The following PCDH11X variants were observed in gnomAD, a reference collection of about 807,000 sequenced individuals.
The protein encoded by PCDH11X is protocadherin 11 X-linked, also known as protocadherin-11 X-linked.
In PCDH11X, 18 loss-of-function variants were observed where a neutral mutation model predicts 53.3. The observed-to-expected ratio is 0.34, with a 90% CI of 0.23 to 0.50. PCDH11X has a LOEUF of 0.50. PCDH11X is among the 20% of genes least tolerant of loss of function. PCDH11X has a pLI of 0.98. For synonymous variants in PCDH11X, 279 were observed against 393.3 expected (o/e 0.71, Z 3.44); for missense variants, 570 against 1,032.4 (o/e 0.55, Z 6.14).
chrX:92,199,841 G>A (rs776533500), intron 6 of PCDH11X, among the ~76,000 whole-genome samples: 123 of 111,472 alleles, frequency 1.1e-3, no homozygotes, highest in Non-Finnish European at 2.0e-3. Flanking sequence ...CATCCACATA[G>A]ACTTATACTT....
intron 8 of PCDH11X, among the ~76,000 whole-genome samples, chrX:92,301,385 G>A (rs1385022174): frequency 9.4e-6 from 1 of 106,791 alleles, no homozygotes; most frequent in Admixed American, 1.0e-4. Flanking sequence ...GTGTCCTGAG[G>A]AGCATGGCGA....
At position 91,877,447 on chromosome X, in the gene PCDH11X, G is replaced by T. The variant is rs1569422776; in HGVS notation, c.1207G>T (p.Glu403Ter). Reference sequence around the variant, plus strand: ...CAGGGTGACATGCTTCACAGATCATGAAATCCCTTTCAGATTAAGGCCAGT... The same window carrying T: ...CAGGGTGACATGCTTCACAGATCATTAAATCCCTTTCAGATTAAGGCCAGT... ...NGRVTCFTDHEIPFRLRPVFS... is the reference protein window; with the variant it reads ...NGRVTCFTDH The change falls in exon 6 of 11, where the codon GAA (glutamate) becomes TAA (stop). Residue 403 changes from glutamate (E) to a stop codon, truncating the protein, a stop_gained. Transcript: ENST00000682573. LOFTEE classifies it high-confidence loss of function. The T allele has an allele frequency of 8.3e-7, 1 of 1,208,679 alleles. No individual in the cohort carries two copies. The highest frequency in any genetic ancestry group is 1.1e-6 in the Non-Finnish European group (1 of 894,974).
chrX:92,568,776 A>T lies in PCDH11X; in HGVS notation c.3368-49488A>T, dbSNP rs183946697. ...AAAAATTATAATAAAACTGAGAAGG[A>T]GTCAATAACGAAACATTCAAAGAAA... On this transcript the variant is annotated intron_variant, in intron 10 of 10. Transcript: ENST00000682573. Among the ~76,000 whole-genome samples, 16 of 111,219 alleles carry T rather than the reference A, an allele frequency of 1.4e-4. No individual in the cohort carries two copies. The East Asian group carries it at 4.2e-3, about 29-fold the overall frequency.
chrX:92,306,274 A>G (rs918607799), intron 8 of PCDH11X, among the ~76,000 whole-genome samples: 1 of 105,139 alleles, frequency 9.5e-6, no homozygotes, highest in Admixed American at 1.0e-4. Flanking sequence ...AAACAATTAC[A>G]TTAAAAAGAA....
intron 10 of PCDH11X, among the ~76,000 whole-genome samples, chrX:92,491,416 C>A (rs1311736123): frequency 1.8e-5 from 2 of 110,164 alleles, no homozygotes; most frequent in Admixed American, 1.9e-4. Context: ...ATCTTGTATT[C>A]AGTCTCTATT....
chrX:92,201,803 C>A (rs1190987076), intron 7 of PCDH11X, among the ~76,000 whole-genome samples: 1 of 111,575 alleles, frequency 9.0e-6, no homozygotes, highest in African/African-American at 3.3e-5. Flanking sequence ...TAAGTTTTAG[C>A]ATAATATAGC....
chrX:92,433,439 G>T (rs2072296430), intron 9 of PCDH11X, among the ~76,000 whole-genome samples: 1 of 110,098 alleles, frequency 9.1e-6, no homozygotes, highest in African/African-American at 3.3e-5. Flanking sequence ...CACCCTTTAG[G>T]ATTATTAACA....
At chrX:92,511,730 C>T (rs996873131) in intron 10 of PCDH11X, among the ~76,000 whole-genome samples, 5 of 111,205 alleles carry the variant, frequency 4.5e-5, no homozygotes, top group African/African-American at 1.6e-4. Flanking sequence ...TGTTTGTGAC[C>T]AGACTTTCTT....
chrX:92,294,472 G>T (rs770526945), intron 8 of PCDH11X, among the ~76,000 whole-genome samples: 1 of 112,264 alleles, frequency 8.9e-6, no homozygotes, highest in Admixed American at 9.5e-5. Flanking sequence ...AAACATTAGA[G>T]CATTTTATCC....
At chrX:92,167,693 C>G (rs777323887) in intron 6 of PCDH11X, among the ~76,000 whole-genome samples, 4 of 111,779 alleles carry the variant, frequency 3.6e-5, no homozygotes, top group Admixed American at 2.9e-4. Flanking sequence ...TATTTTGTAG[C>G]TTTTTACCAC....
chrX:91,785,363 A>T (rs1310859610), intron 1 of PCDH11X, among the ~76,000 whole-genome samples: 4 of 108,286 alleles, frequency 3.7e-5, no homozygotes, highest in Non-Finnish European at 5.7e-5. Flanking sequence ...GTCAACATAC[A>T]GTTACCAATC....
At chrX:91,988,445 T>C (rs1222063682) in intron 6 of PCDH11X, among the ~76,000 whole-genome samples, 2 of 112,395 alleles carry the variant, frequency 1.8e-5, no homozygotes, top group African/African-American at 3.2e-5. Context: ...AATCTTTTTT[T>C]CCCCCAAACA....
At chrX:92,563,056 T>G (rs1736389356) in intron 10 of PCDH11X, among the ~76,000 whole-genome samples, 3 of 12,304 alleles carry the variant, frequency 2.4e-4, no homozygotes, top group East Asian at 6.9e-3. Flanking sequence ...CGTTTTTTTT[T>G]TTTTTTTTTT....
intron 7 of PCDH11X, among the ~76,000 whole-genome samples, chrX:92,216,197 T>G (rs755937898): frequency 2.7e-5 from 3 of 110,846 alleles, no homozygotes; most frequent in Admixed American, 1.9e-4. Flanking sequence ...GGAACAAAGC[T>G]GGACAGAGAA....
intron 10 of PCDH11X, among the ~76,000 whole-genome samples, chrX:92,491,508 T>A (rs1248687740): frequency 9.0e-6 from 1 of 110,700 alleles, no homozygotes; most frequent in East Asian, 2.8e-4. Flanking sequence ...CTCTGCGTAG[T>A]AAAAAGATCA....
rs752732217 is a variant in PCDH11X at position 91,982,489 on chromosome X, C to A, written c.3033+103216C>A. On this transcript the variant is annotated intron_variant, in intron 6 of 10. Coordinates refer to ENST00000682573, the MANE Select transcript of PCDH11X (RefSeq NM_032968.5). The stretch of plus-strand genomic sequence containing the variant: ...TTTTGGAAATGAGTTTCTTCTGTAC[C>A]TCTGAAAGGGTAACATCTTAAAGCT... Among the ~76,000 whole-genome samples, 231 of 107,360 alleles carry A rather than the reference C, an allele frequency of 2.2e-3. 1 individual carries two copies. Among genetic ancestry groups the A allele is most frequent in the Middle Eastern group, 0.019 (4 of 209 alleles). 93.2% of individuals were successfully genotyped at this position (107,360 alleles called of 115,157 possible). A position where few individuals can be genotyped will look rare whatever the true frequency, so the allele number is the denominator to read the frequency against.
At chrX:92,331,083 TTAA>T (rs1372855361) in intron 8 of PCDH11X, among the ~76,000 whole-genome samples, 3 of 104,344 alleles carry the variant, frequency 2.9e-5, no homozygotes, top group Admixed American at 2.1e-4. Flanking sequence ...TAATTAAAAC[TTAA>T]TAAAGCTTTT....
intron 8 of PCDH11X, among the ~76,000 whole-genome samples, chrX:92,326,390 A>G (rs1453588741): frequency 9.7e-6 from 1 of 103,549 alleles, no homozygotes; most frequent in Non-Finnish European, 2.0e-5. Flanking sequence ...TCATTCTGCT[A>G]TACTCTGTTA....
In PCDH11X at chrX:92,416,274, T is replaced by A. The variant is rs1194379824; in HGVS notation, c.3343+28341T>A. Among the ~76,000 whole-genome samples, 5 of 110,405 alleles carry A rather than the reference T, an allele frequency of 4.5e-5. No individual in the cohort carries two copies. The East Asian group carries it at 1.4e-3, about 31-fold the overall frequency. ...CTAATTGATAGAACAATAGGGTGAC[T>A]ATAGTCAATAATAACTGTACATTTT... On this transcript the variant is annotated intron_variant, in intron 9 of 10. Coordinates refer to ENST00000682573, the MANE Select transcript of PCDH11X (RefSeq NM_032968.5).
Sources: allele counts gnomAD v4.1 joint callset (sites outside exome capture counted in the v4.1 genomes callset), GRCh38; gene constraint gnomAD v4.1.1; transcripts MANE v1.5; gene names NCBI Gene and HGNC (gene_info 2026-07-23, HGNC 2026-07-21).